The following SEPTIN5 variants were observed in gnomAD, a reference collection of about 807,000 sequenced individuals.
SEPTIN5 encodes septin 5.
Under a neutral mutation model 51.2 loss-of-function variants are expected in SEPTIN5, and 16 were observed. That is an observed-to-expected ratio of 0.31 (90% CI 0.21 to 0.47). SEPTIN5 has a LOEUF of 0.47. SEPTIN5 is among the 20% of genes least tolerant of loss of function. The pLI is 0.99. For missense variants in SEPTIN5, 376 were observed against 500.3 expected (o/e 0.75, Z 2.37); for synonymous variants, 208 against 191.2 (o/e 1.09, Z -0.72).
At chr22:19,718,966 C>A in intron 2 of SEPTIN5, 1 of 789,676 alleles carries the variant, frequency 1.3e-6, no homozygotes, top group Non-Finnish European at 1.7e-6. Context: ...CGCGGCCCCA[C>A]GGTGGGGCGA....
chr22:19,719,554 C>G, intron 2 of SEPTIN5, 48 bp from the exon 3 acceptor site: 1 of 1,487,186 alleles, frequency 6.7e-7, no homozygotes, highest in East Asian at 2.3e-5. Context: ...GGGTATTGGG[C>G]TTCTGGAGAA....
Position 19,720,544 on chromosome 22 carries a change from G to C in SEPTIN5, c.498-5G>C. 1 of 1,613,164 alleles carries C rather than the reference G, an allele frequency of 6.2e-7. No individual in the cohort carries two copies. The highest frequency in any genetic ancestry group is 8.5e-7 in the Non-Finnish European group (1 of 1,180,014). ...CCTATGCCCACCCTTGGCTGCTCTC[G>C]GCAGGCTGCGGCCAGTGGATGTGGG... On this transcript the variant is annotated splice_polypyrimidine_tract_variant and splice_region_variant and intron_variant, in intron 6 of 11. Transcript: ENST00000455784.
chr22:19,720,992 G>A (rs1178174573), intron 8 of SEPTIN5, 123 bp downstream of exon 8: 2 of 814,132 alleles, frequency 2.5e-6, no homozygotes, highest in African/African-American at 1.7e-5. Flanking sequence ...GGGTGCAAGA[G>A]TCATTTGTTC....
At chr22:19,719,938 C>A in intron 4 of SEPTIN5, 46 bp downstream of exon 4, 1 of 1,604,526 alleles carries the variant, frequency 6.2e-7, no homozygotes, top group Non-Finnish European at 8.5e-7. Context: ...CAGTCCCCTT[C>A]CATGGGACCT....
intron 5 of SEPTIN5, 26 bp from the exon 6 acceptor site, chr22:19,720,294 T>G (rs1936001543): frequency 6.2e-7 from 1 of 1,613,346 alleles, no homozygotes; most frequent in African/African-American, 1.3e-5. Context: ...ACTCGAGGCC[T>G]GGCCTCACCT....
intron 2 of SEPTIN5, 163 bp from the exon 3 acceptor site, chr22:19,719,436 TCTC>T (rs1935979449): frequency 3.3e-6 from 2 of 600,524 alleles, no homozygotes; most frequent in African/African-American, 3.7e-5. Context: ...TGCCTTCTTA[TCTC>T]CAGGCTTTTG....
chr22:19,722,242 T>A lies in SEPTIN5; in HGVS notation c.956T>A (p.Leu319Gln). The change falls in exon 11 of 12, where the codon CTG becomes CAG. Residue 319 changes from leucine to glutamine, a missense_variant. By Grantham distance (113) the Leu-to-Gln change is moderately radical. Transcript: ENST00000455784. ...CTCCCCCCCGCCCCGCGCAGCAAAC[T>A]GACCCAGGACAGCCGCATGGAGAGC... ...AHCIQQMTSKLTQDSRMESPI... is the reference protein window; with the variant it reads ...AHCIQQMTSKQTQDSRMESPI... 6.3e-7 allele frequency: 1 copy of A among 1,583,490 alleles called. No individual in the cohort carries two copies. Among genetic ancestry groups the A allele is most frequent in the Non-Finnish European group, 8.6e-7 (1 of 1,158,122 alleles).
chr22:19,718,672 C>T, intron 2 of SEPTIN5: 1 of 1,283,262 alleles, frequency 7.8e-7, no homozygotes. Context: ...TCGCTGTCGC[C>T]GGGCTCTGGC....
intron 7 of SEPTIN5, 45 bp from the exon 8 acceptor site, chr22:19,720,723 G>A: frequency 6.2e-7 from 1 of 1,612,140 alleles, no homozygotes; most frequent in Admixed American, 1.7e-5. Flanking sequence ...GAGTACCAGG[G>A]GGACTTGTCT....
At chr22:19,717,009 G>C (rs983003408) in intron 2 of SEPTIN5, among the ~76,000 whole-genome samples, 1 of 152,142 alleles carries the variant, frequency 6.6e-6, no homozygotes, top group African/African-American at 2.4e-5. Context: ...GGTAGAGCTG[G>C]GGGGCCTGGA....
chr22:19,722,397 T>C, intron 11 of SEPTIN5, 31 bp from the exon 12 acceptor site: 1 of 1,593,972 alleles, frequency 6.3e-7, no homozygotes, highest in Non-Finnish European at 8.5e-7. Flanking sequence ...TCCGCGGTGC[T>C]GCTCACCCGC....
At chr22:19,721,186 C>G (rs1272525368) in intron 8 of SEPTIN5, among the ~76,000 whole-genome samples, 1 of 152,228 alleles carries the variant, frequency 6.6e-6, no homozygotes, top group Non-Finnish European at 1.5e-5. Flanking sequence ...CCATGGGTCA[C>G]CAGAGGAAGG....
At chr22:19,717,231 C>T (rs1185504623) in intron 2 of SEPTIN5, 2 of 462,596 alleles carry the variant, frequency 4.3e-6, no homozygotes, top group East Asian at 7.0e-5. Flanking sequence ...TTCTAATGTG[C>T]AGGGGCTTGG....
chr22:19,715,149 G>T (rs1164529643), intron 2 of SEPTIN5, among the ~76,000 whole-genome samples: 1 of 152,244 alleles, frequency 6.6e-6, no homozygotes, highest in Non-Finnish European at 1.5e-5. Context: ...CACGCTGGGG[G>T]AGGGGAGTCA....
In SEPTIN5 at chr22:19,723,147, C is replaced by G. The variant is rs1936085686; in HGVS notation, c.*663C>G. On this transcript the variant is annotated 3_prime_UTR_variant, in exon 12 of 12. Coordinates refer to ENST00000455784, the MANE Select transcript of SEPTIN5 (RefSeq NM_002688.6). ...GGCAACTCTCGGTGCCGTCCCCTGCCCTCGCTCGAGGCCTCTTCTCCCCAG... is the reference window on the plus strand; with the variant it reads ...GGCAACTCTCGGTGCCGTCCCCTGCGCTCGCTCGAGGCCTCTTCTCCCCAG... 2 of 559,570 alleles carry G rather than the reference C, an allele frequency of 3.6e-6. No homozygotes were observed. Among genetic ancestry groups the G allele is most frequent in the South Asian group, 1.5e-5 (1 of 65,426 alleles). 34.7% of individuals were successfully genotyped at this position (559,570 alleles called of 1,614,324 possible).
Position 19,721,970 on chromosome 22 carries a change from G to A in SEPTIN5, c.950+13G>A. 1 of 1,598,754 alleles carries A rather than the reference G, an allele frequency of 6.3e-7. No individual in the cohort carries two copies. Among genetic ancestry groups the A allele is most frequent in the Non-Finnish European group, 8.5e-7 (1 of 1,172,746 alleles). On this transcript the variant is annotated intron_variant, in intron 10 of 11. Transcript: ENST00000455784. ...AGCAGATGACCAGGTGCGCGCCCCAGCCGCGAGCCAGACCTCGCCCCTCTG... is the reference window on the plus strand; with the variant it reads ...AGCAGATGACCAGGTGCGCGCCCCAACCGCGAGCCAGACCTCGCCCCTCTG...
rs1400546802 is a variant in SEPTIN5 at position 19,719,831 on chromosome 22, A to G, written c.177A>G (p.Thr59=). ...GTGAGTCAGGCCTGGGGAAGTCCAC[A>G]CTGGTCCACAGCCTCTTCCTGACAG... The part of the protein sequence containing the change: ...VAGESGLGKS[T]LVHSLFLTDL... The change falls in exon 4 of 12, where the codon ACA becomes ACG. Residue 59 remains threonine (T), a synonymous_variant. Coordinates refer to ENST00000455784, the MANE Select transcript of SEPTIN5 (RefSeq NM_002688.6). 5 of 1,612,926 alleles carry G rather than the reference A, an allele frequency of 3.1e-6. No individual in the cohort carries two copies. Among genetic ancestry groups the G allele is most frequent in the African/African-American group, 2.7e-5 (2 of 74,942 alleles).
intron 2 of SEPTIN5, among the ~76,000 whole-genome samples, chr22:19,716,268 G>C (rs1182660891): frequency 6.6e-6 from 1 of 152,248 alleles, no homozygotes. Flanking sequence ...GTCTGGGGGA[G>C]CTGGAAGCAC....
intron 2 of SEPTIN5, among the ~76,000 whole-genome samples, chr22:19,716,834 T>C (rs1935918118): frequency 6.6e-6 from 1 of 152,066 alleles, no homozygotes; most frequent in African/African-American, 2.4e-5. Flanking sequence ...GGAGATGCCC[T>C]GGGCCTGAGA....
Sources: allele counts gnomAD v4.1 joint callset (sites outside exome capture counted in the v4.1 genomes callset), GRCh38; gene constraint gnomAD v4.1.1; transcripts MANE v1.5; gene names NCBI Gene and HGNC (gene_info 2026-07-23, HGNC 2026-07-21).